The following CCDC192 variants were observed in gnomAD, a reference collection of about 807,000 sequenced individuals.
The protein encoded by CCDC192 is coiled-coil domain-containing protein 192.
chr5:127,932,581 ATTG>A (rs1754067729), intron 6 of CCDC192, among the ~76,000 whole-genome samples: 1 of 152,174 alleles, frequency 6.6e-6, no homozygotes, highest in Non-Finnish European at 1.5e-5. Flanking sequence ...AATCTAGGAT[ATTG>A]TTGTATCCAC....
At chr5:127,745,612 A>G (rs1456668908) in intron 2 of CCDC192, among the ~76,000 whole-genome samples, 1 of 152,174 alleles carries the variant, frequency 6.6e-6, no homozygotes, top group Non-Finnish European at 1.5e-5. Context: ...TTTAAGACAA[A>G]AAGTAGAAAT....
At chr5:127,923,768 AT>A (rs1434371817) in intron 6 of CCDC192, among the ~76,000 whole-genome samples, 1 of 152,224 alleles carries the variant, frequency 6.6e-6, no homozygotes. Context: ...ATGCACAAAA[AT>A]ATGAGGTAAA....
chr5:127,865,729 G>A (rs1374958164), intron 5 of CCDC192, among the ~76,000 whole-genome samples: 1 of 151,162 alleles, frequency 6.6e-6, no homozygotes, highest in East Asian at 1.9e-4. Flanking sequence ...TATAAAATAT[G>A]TTTGCAGTGA....
chr5:127,752,560 C>CT lies in CCDC192; in HGVS notation c.115-1703dup, dbSNP rs1008679364. Among the ~76,000 whole-genome samples, 4 of 152,226 alleles carry CT rather than the reference C, an allele frequency of 2.6e-5. 1 individual carries two copies. The highest frequency in any genetic ancestry group is 2.6e-4 in the Admixed American group (4 of 15,286). ...TTAAGTCTGCAGAGGTTACTGCTGT[C>CT]TTTTTGTTTGTCTGTGCCCTGCCCC... On this transcript the variant is annotated intron_variant, in intron 2 of 6. Transcript: ENST00000514853.
chr5:127,713,495 C>T (rs563866947), intron 2 of CCDC192, among the ~76,000 whole-genome samples: 314 of 152,188 alleles, frequency 2.1e-3, no homozygotes, highest in Non-Finnish European at 3.5e-3. Context: ...AGTATTTTCT[C>T]CTGTCTGTAC....
intron 3 of CCDC192, among the ~76,000 whole-genome samples, chr5:127,761,814 C>T (rs1372623895): frequency 1.3e-5 from 2 of 151,970 alleles, no homozygotes; most frequent in African/African-American, 4.8e-5. Context: ...AACAACGCCC[C>T]ACCAAAAAAA....
chr5:127,815,319 C>T (rs1748954816), intron 5 of CCDC192, among the ~76,000 whole-genome samples: 1 of 152,168 alleles, frequency 6.6e-6, no homozygotes, highest in Non-Finnish European at 1.5e-5. Context: ...AACGTCAGAA[C>T]AGCAAGTAAA....
At position 127,919,254 on chromosome 5, in the gene CCDC192, C is replaced by T. The variant is rs1753637101; in HGVS notation, c.536-21928C>T. 3.3e-5 allele frequency among the ~76,000 whole-genome samples: 5 copies of T among 152,202 alleles called. No homozygotes were observed. In the South Asian group the frequency reaches 1.0e-3, roughly 32 times the overall value. On this transcript the variant is annotated intron_variant, in intron 6 of 6. Transcript: ENST00000514853. The stretch of plus-strand genomic sequence containing the variant: ...TTTCACCTGGTTCCCATGACTATCT[C>T]TGACAATATCTGAAGAGTTCTTTGA...
chr5:127,806,762 A>ACTCATCCT (rs2126990774), intron 5 of CCDC192, among the ~76,000 whole-genome samples: 1 of 152,248 alleles, frequency 6.6e-6, no homozygotes, highest in African/African-American at 2.4e-5. Context: ...CTCACCCAGA[A>ACTCATCCT]CTCATCCTTT....
intron 2 of CCDC192, among the ~76,000 whole-genome samples, chr5:127,726,034 C>G (rs1752303292): frequency 6.6e-6 from 1 of 150,842 alleles, no homozygotes; most frequent in Admixed American, 6.6e-5. Context: ...AAAATAATTC[C>G]TAGTATAACA....
At chr5:127,769,998 C>G (rs1755455738) in intron 3 of CCDC192, among the ~76,000 whole-genome samples, 1 of 152,046 alleles carries the variant, frequency 6.6e-6, no homozygotes, top group Non-Finnish European at 1.5e-5. Context: ...GGGCAAAGAG[C>G]CAATGGTAGA....
intron 3 of CCDC192, among the ~76,000 whole-genome samples, chr5:127,782,723 A>G (rs1756305465): frequency 6.6e-6 from 1 of 151,884 alleles, no homozygotes; most frequent in Admixed American, 6.6e-5. Context: ...AATCTTGCTA[A>G]CGATGTATCA....
chr5:127,916,093 C>T (rs1753513060), intron 6 of CCDC192, among the ~76,000 whole-genome samples: 1 of 152,184 alleles, frequency 6.6e-6, no homozygotes, highest in African/African-American at 2.4e-5. Flanking sequence ...ATGAAATATT[C>T]TAAATCATTT....
At chr5:127,761,331 A>T (rs946803097) in intron 3 of CCDC192, among the ~76,000 whole-genome samples, 4 of 152,224 alleles carry the variant, frequency 2.6e-5, no homozygotes, top group African/African-American at 9.6e-5. Context: ...TGGAGCTGAC[A>T]TTCTACTGGA....
chr5:127,715,026 GC>G (rs1210000750), intron 2 of CCDC192, among the ~76,000 whole-genome samples: 1 of 151,380 alleles, frequency 6.6e-6, no homozygotes, highest in Non-Finnish European at 1.5e-5. Context: ...GGTTATTAAC[GC>G]CTTGTCAGAT....
intron 5 of CCDC192, among the ~76,000 whole-genome samples, chr5:127,800,404 ACAACAAC>A (rs1757442328): frequency 1.8e-5 from 2 of 110,890 alleles, no homozygotes; most frequent in East Asian, 2.9e-4. Flanking sequence ...AAAAAAAACA[ACAACAAC>A]AAAAAGTAGG....
intron 2 of CCDC192, among the ~76,000 whole-genome samples, chr5:127,718,785 A>C (rs1751789207): frequency 6.6e-6 from 1 of 152,202 alleles, no homozygotes; most frequent in South Asian, 2.1e-4. Context: ...AGTGGTGTGT[A>C]TATCTATGGG....
chr5:127,826,643 T>C (rs1749546063), intron 5 of CCDC192, among the ~76,000 whole-genome samples: 1 of 140,050 alleles, frequency 7.1e-6, no homozygotes, highest in South Asian at 2.5e-4. Context: ...GGCTACTAGA[T>C]GGGAGAGGGA....
At chr5:127,784,705 G>T in intron 3 of CCDC192, 2 of 628,272 alleles carry the variant, frequency 3.2e-6, no homozygotes, top group South Asian at 1.5e-5. Flanking sequence ...CTTGATCAGG[G>T]ACCCGGGATT....
Sources: allele counts gnomAD v4.1 joint callset (sites outside exome capture counted in the v4.1 genomes callset), GRCh38; gene constraint gnomAD v4.1.1; transcripts MANE v1.5; gene names NCBI Gene and HGNC (gene_info 2026-07-23, HGNC 2026-07-21).